The following CADPS2 variants were observed in gnomAD, a reference collection of about 807,000 sequenced individuals.
The protein encoded by CADPS2 is calcium dependent secretion activator 2, also known as calcium-dependent secretion activator 2.
Under a neutral mutation model 172.5 loss-of-function variants are expected in CADPS2, and 93 were observed. The observed-to-expected ratio is 0.54, with a 90% CI of 0.46 to 0.64. CADPS2 has a LOEUF of 0.64. Among genes scored for constraint, CADPS2 ranks in the 30% least tolerant of loss-of-function variants. CADPS2 has a pLI of 0.00. For missense variants in CADPS2, 1,420 were observed against 1,565.9 expected (o/e 0.91, Z 1.57); for synonymous variants, 546 against 555.2 (o/e 0.98, Z 0.23).
chr7:122,507,839 T>C (rs1346275993), intron 9 of CADPS2, among the ~76,000 whole-genome samples: 3 of 152,126 alleles, frequency 2.0e-5, no homozygotes, highest in African/African-American at 7.2e-5. Flanking sequence ...TGGAATGCTG[T>C]TTTTGCTATG....
At chr7:122,378,809 G>A (rs2042650814) in intron 25 of CADPS2, 1 of 152,404 alleles carries the variant, frequency 6.6e-6, no homozygotes, top group Non-Finnish European at 1.5e-5. Flanking sequence ...TTACACCTTA[G>A]AGGGAATCTA....
chr7:122,582,425 A>T (rs1019859635), intron 6 of CADPS2, among the ~76,000 whole-genome samples: 2 of 152,040 alleles, frequency 1.3e-5, no homozygotes, highest in Non-Finnish European at 2.9e-5. Flanking sequence ...ATCTAGATGC[A>T]GTCTTTTTTT....
chr7:122,610,662 C>A (rs1027635412), intron 6 of CADPS2, among the ~76,000 whole-genome samples: 1 of 151,962 alleles, frequency 6.6e-6, no homozygotes, highest in African/African-American at 2.4e-5. Context: ...TAAAAATCAT[C>A]TAATCTACAA....
At chr7:122,362,960 C>T (rs2040375799) in intron 25 of CADPS2, among the ~76,000 whole-genome samples, 2 of 152,142 alleles carry the variant, frequency 1.3e-5, no homozygotes, top group Non-Finnish European at 2.9e-5. Flanking sequence ...TGACTGTGAA[C>T]TATAAGTGCA....
intron 7 of CADPS2, among the ~76,000 whole-genome samples, chr7:122,574,439 C>T (rs1283958706): frequency 7.0e-5 from 1 of 14,196 alleles, no homozygotes; most frequent in Non-Finnish European, 1.6e-4. Flanking sequence ...GAGTGAGACC[C>T]TGTCTTAAAA....
intron 15 of CADPS2, 29 bp from the exon 16 acceptor site, chr7:122,441,604 G>A (rs982690182): frequency 9.1e-6 from 13 of 1,428,864 alleles, no homozygotes; most frequent in Admixed American, 2.4e-5. Context: ...GAACAAAAGA[G>A]TCAAACATTT....
rs2059848987 is a variant in CADPS2 at position 122,509,324 on chromosome 7, T to C, written c.1542+3925A>G. On this transcript the variant is annotated intron_variant, in intron 9 of 29. Transcript: ENST00000449022. ...TCACTCTGTGGCATGGCTGACTGTT[T>C]ACATCCCGTGCCAACTCAGCTGATA... Among the ~76,000 whole-genome samples, 3 of 152,298 alleles carry C rather than the reference T, an allele frequency of 2.0e-5. No individual in the cohort carries two copies. In the South Asian group the frequency reaches 6.2e-4, roughly 32 times the overall value.
Position 122,490,150 on chromosome 7 carries a change from G to GT in CADPS2, c.1782dup (p.Pro595ThrfsTer13). 6.2e-7 allele frequency: 1 copy of GT among 1,613,494 alleles called. No individual in the cohort carries two copies. ...TTCTGGGTTTGAATTGCAGGAACTG[G>GT]TTTATATGATTGACCTGTGGCCCTA... On this transcript the variant is annotated frameshift_variant, in exon 11 of 30. Transcript: ENST00000449022. LOFTEE classifies it high-confidence loss of function.
intron 6 of CADPS2, among the ~76,000 whole-genome samples, chr7:122,594,798 T>G (rs943183040): frequency 2.0e-5 from 3 of 151,636 alleles, no homozygotes; most frequent in African/African-American, 7.3e-5. Context: ...CTTGACCAAG[T>G]AAAATTGTAA....
At chr7:122,353,115 T>G (rs1236846279) in intron 27 of CADPS2, among the ~76,000 whole-genome samples, 2 of 152,096 alleles carry the variant, frequency 1.3e-5, no homozygotes, top group African/African-American at 4.8e-5. Flanking sequence ...AGTGATTGTG[T>G]TTTTTGCCAT....
At chr7:122,697,976 C>G (rs779000613) in intron 2 of CADPS2, 1 of 1,613,598 alleles carries the variant, frequency 6.2e-7, no homozygotes, top group East Asian at 2.2e-5. Context: ...TGCAAAGGTT[C>G]TGTTCCATTT....
At chr7:122,732,820 T>TATAC (rs2091798941) in intron 2 of CADPS2, among the ~76,000 whole-genome samples, 1 of 141,962 alleles carries the variant, frequency 7.0e-6, no homozygotes, top group African/African-American at 2.7e-5. Flanking sequence ...ACATAATGTA[T>TATAC]ATTATATATA....
chr7:122,770,918 G>C (rs2093688390), intron 1 of CADPS2, among the ~76,000 whole-genome samples: 2 of 152,174 alleles, frequency 1.3e-5, no homozygotes, highest in Admixed American at 1.3e-4. Flanking sequence ...AGGAAGCCAG[G>C]AAAAATTCTC....
chr7:122,433,638 A>G (rs2050262368), intron 17 of CADPS2, among the ~76,000 whole-genome samples: 1 of 152,114 alleles, frequency 6.6e-6, no homozygotes, highest in African/African-American at 2.4e-5. Context: ...CCTGACCTCA[A>G]GTGATCCACC....
intron 2 of CADPS2, among the ~76,000 whole-genome samples, chr7:122,703,767 C>G (rs1457187805): frequency 6.6e-6 from 1 of 151,898 alleles, no homozygotes; most frequent in Non-Finnish European, 1.5e-5. Flanking sequence ...TGAGCTTAGG[C>G]AAAAGAAGAT....
intron 4 of CADPS2, among the ~76,000 whole-genome samples, chr7:122,623,731 G>T (rs548191994): frequency 3.0e-4 from 46 of 152,088 alleles, no homozygotes; most frequent in Middle Eastern, 3.4e-3. Context: ...TTAATTATGC[G>T]TTGAATAAAA....
chr7:122,538,486 T>A (rs1262823164), intron 8 of CADPS2, among the ~76,000 whole-genome samples: 5 of 151,604 alleles, frequency 3.3e-5, no homozygotes, highest in Non-Finnish European at 5.9e-5. Flanking sequence ...TATTTAATTT[T>A]AAAAAATTTT....
intron 1 of CADPS2, among the ~76,000 whole-genome samples, chr7:122,831,974 T>C (rs982078960): frequency 2.0e-5 from 3 of 152,170 alleles, no homozygotes; most frequent in African/African-American, 7.2e-5. Flanking sequence ...GAATGCAACA[T>C]AAATTATGCT....
chr7:122,332,559 G>A (rs1247419748), intron 28 of CADPS2, among the ~76,000 whole-genome samples: 1 of 152,056 alleles, frequency 6.6e-6, no homozygotes, highest in Admixed American at 6.6e-5. Flanking sequence ...TGTAAAAAGT[G>A]CTAACATTGG....
Sources: gnomAD v4.1 joint callset for allele counts (sites outside exome capture counted in the v4.1 genomes callset) on GRCh38, gnomAD v4.1.1 for gene constraint, MANE v1.5 for transcripts, NCBI Gene and HGNC (gene_info 2026-07-23, HGNC 2026-07-21) for gene names.